Variants in DCP1B observed in about 807,000 individuals in gnomAD.
DCP1B encodes decapping mRNA 1B.
Under a neutral mutation model 60.5 loss-of-function variants are expected in DCP1B, and 47 were observed. That is an observed-to-expected ratio of 0.78 (90% CI 0.61 to 0.99). The LOEUF (loss-of-function observed/expected upper bound fraction) is 0.99. DCP1B is among the 50% of genes least tolerant of loss of function. The probability of loss-of-function intolerance (pLI) is 0.00; values close to 1 mark genes in which losing one functional copy is unlikely to be tolerated. For missense variants in DCP1B, 725 were observed against 756.8 expected (o/e 0.96, Z 0.49); for synonymous variants, 267 against 280.3 (o/e 0.95, Z 0.47).
At chr12:1,958,444 A>G (rs1179745003) in intron 5 of DCP1B, among the ~76,000 whole-genome samples, 5 of 144,034 alleles carry the variant, frequency 3.5e-5, no homozygotes, top group South Asian at 2.2e-4. Flanking sequence ...AAACAGGGGA[A>G]AAGCTCCCTA....
chr12:1,996,662 A>AAAT (rs2040989544), intron 2 of DCP1B, among the ~76,000 whole-genome samples: 1 of 104,034 alleles, frequency 9.6e-6, no homozygotes, highest in African/African-American at 4.1e-5. Flanking sequence ...AAAACAACAA[A>AAAT]CTCTTCTAAT....
At chr12:1,943,847 A>G (rs1046600625), downstream of DCP1B, among the ~76,000 whole-genome samples, 2 of 152,246 alleles carry the variant, frequency 1.3e-5, no homozygotes, top group Non-Finnish European at 2.9e-5. Context: ...TGAATGGGCA[A>G]AAGTTGAAAG....
intron 1 of DCP1B, among the ~76,000 whole-genome samples, chr12:2,002,009 G>A (rs537394407): frequency 2.0e-5 from 3 of 152,274 alleles, no homozygotes; most frequent in East Asian, 1.9e-4. Context: ...TTTTGGAGGC[G>A]GGGGGCAGTC....
At chr12:2,002,266 T>G (rs113124408) in intron 1 of DCP1B, among the ~76,000 whole-genome samples, 4,169 of 152,292 alleles carry the variant, frequency 0.027, 94 homozygotes, top group Middle Eastern at 0.054. Flanking sequence ...CATATTCTTA[T>G]TAGGTTTACA....
chr12:1,944,534 T>C (rs942842983), downstream of DCP1B, among the ~76,000 whole-genome samples: 5 of 152,162 alleles, frequency 3.3e-5, no homozygotes, highest in African/African-American at 1.2e-4. Context: ...CTTCAAACTA[T>C]ACTACAAGGC....
chr12:1,950,119 C>T (rs541016711), intron 7 of DCP1B: 16 of 544,688 alleles, frequency 2.9e-5, no homozygotes, highest in Non-Finnish European at 3.9e-5. Context: ...CCGAACTCCC[C>T]GAAAGAACTC....
chr12:1,942,042 C>A (rs1420090134), downstream of DCP1B, among the ~76,000 whole-genome samples: 1 of 151,940 alleles, frequency 6.6e-6, no homozygotes, highest in Non-Finnish European at 1.5e-5. Flanking sequence ...ATTCAGGAGA[C>A]CCATCTCACG....
At chr12:1,965,387 A>C (rs1364968518) in intron 5 of DCP1B, among the ~76,000 whole-genome samples, 171 bp downstream of exon 5, 1 of 152,172 alleles carries the variant, frequency 6.6e-6, no homozygotes, top group African/African-American at 2.4e-5. Context: ...AAAGGCAAAC[A>C]GTTTTCTTCA....
At chr12:1,983,687 G>A (rs757443174) in intron 3 of DCP1B, among the ~76,000 whole-genome samples, 4 of 151,922 alleles carry the variant, frequency 2.6e-5, no homozygotes, top group Non-Finnish European at 5.9e-5. Context: ...TGAGAAGAAC[G>A]TCCATTCTGC....
intron 3 of DCP1B, among the ~76,000 whole-genome samples, chr12:1,984,733 CCTGA>C (rs1402902931): frequency 6.9e-6 from 1 of 144,270 alleles, no homozygotes; most frequent in East Asian, 2.0e-4. Context: ...TTCCTTCCAG[CCTGA>C]AGAATTTCTT....
chr12:1,977,048 T>C (rs1219438933), intron 3 of DCP1B, among the ~76,000 whole-genome samples: 1 of 152,224 alleles, frequency 6.6e-6, no homozygotes, highest in Non-Finnish European at 1.5e-5. Context: ...GGGCAGATAA[T>C]GTGTCTTTCA....
intron 1 of DCP1B, among the ~76,000 whole-genome samples, chr12:2,003,118 G>A (rs2042567135): frequency 6.6e-6 from 1 of 151,994 alleles, no homozygotes; most frequent in South Asian, 2.1e-4. Context: ...AAGAACTTTG[G>A]GCAAAACTGT....
intron 3 of DCP1B, among the ~76,000 whole-genome samples, chr12:1,977,421 C>T (rs1354144183): frequency 3.3e-5 from 5 of 152,182 alleles, no homozygotes; most frequent in Admixed American, 2.6e-4. Flanking sequence ...CTCCAAGCAG[C>T]GTATCTTCAA....
At chr12:1,961,477 A>C (rs527800694) in intron 5 of DCP1B, 1 of 152,336 alleles carries the variant, frequency 6.6e-6, no homozygotes, top group South Asian at 2.1e-4. Flanking sequence ...AACAACATGT[A>C]TTTGATTTTT....
intron 5 of DCP1B, 133 bp from the exon 6 acceptor site, chr12:1,955,693 T>C: frequency 9.5e-7 from 1 of 1,054,428 alleles, no homozygotes; most frequent in Non-Finnish European, 1.3e-6. Context: ...CAAAGGAAAA[T>C]CCCTTAAATT....
At chr12:1,943,464 A>G (rs1409217913), downstream of DCP1B, among the ~76,000 whole-genome samples, 1 of 152,192 alleles carries the variant, frequency 6.6e-6, no homozygotes, top group Non-Finnish European at 1.5e-5. Context: ...TGATACCAAA[A>G]CCTGGCAGAG....
chr12:1,995,225 AC>A (rs2040512195), intron 2 of DCP1B, among the ~76,000 whole-genome samples: 1 of 151,346 alleles, frequency 6.6e-6, no homozygotes, highest in African/African-American at 2.4e-5. Flanking sequence ...TTAAAAAAAA[AC>A]CCTACTAAAA....
chr12:1,965,752 T>C, intron 4 of DCP1B, 59 bp from the exon 5 acceptor site: 1 of 1,544,566 alleles, frequency 6.5e-7, no homozygotes, highest in Middle Eastern at 1.7e-4. Flanking sequence ...AAACAATGTT[T>C]AAAACCATCC....
At position 1,955,567 on chromosome 12, in the gene DCP1B, T is replaced by C. The variant is rs139886104; in HGVS notation, c.523-7A>G. 0.052 allele frequency: 84,047 copies of C among 1,607,122 alleles called. 2,529 individuals carry two copies. Among genetic ancestry groups the C allele is most frequent in the Non-Finnish European group, 0.062 (73,506 of 1,176,928 alleles). On this transcript the variant is annotated splice_region_variant and splice_polypyrimidine_tract_variant and intron_variant, in intron 5 of 8. Transcript: ENST00000280665. ...GCTCAGAACAGGTTTTACACTGAAA[T>C]AGAAAAGAAAATCCCCTCATTTTTG...
Sources: gnomAD v4.1 joint callset for allele counts (sites outside exome capture counted in the v4.1 genomes callset) on GRCh38, gnomAD v4.1.1 for gene constraint, MANE v1.5 for transcripts, NCBI Gene and HGNC (gene_info 2026-07-23, HGNC 2026-07-21) for gene names.